The following PRORP variants were observed in gnomAD, a reference collection of about 807,000 sequenced individuals.
PRORP encodes mitochondrial ribonuclease P catalytic subunit.
In PRORP, 51 loss-of-function variants were observed where a neutral mutation model predicts 59.4. The observed-to-expected ratio is 0.86, with a 90% CI of 0.69 to 1.08. PRORP has a LOEUF of 1.08. PRORP is among the 50% of genes least tolerant of loss of function. The pLI is 0.00. For synonymous variants in PRORP, 231 were observed against 245.6 expected (o/e 0.94, Z 0.55); for missense variants, 646 against 690.3 (o/e 0.94, Z 0.72).
At chr14:35,189,330 C>G (rs1406033798) in intron 5 of PRORP, among the ~76,000 whole-genome samples, 1 of 152,100 alleles carries the variant, frequency 6.6e-6, no homozygotes, top group Non-Finnish European at 1.5e-5. Flanking sequence ...GCTTCAGCCT[C>G]CCAAAGTGTT....
intron 4 of PRORP, among the ~76,000 whole-genome samples, chr14:35,130,970 C>G (rs897004034): frequency 3.4e-5 from 5 of 147,566 alleles, no homozygotes; most frequent in African/African-American, 1.3e-4. Context: ...TTTTTTGAGG[C>G]AGTCACTCTG....
chr14:35,191,715 A>AAAAC (rs1041240557), intron 5 of PRORP, among the ~76,000 whole-genome samples: 1 of 152,104 alleles, frequency 6.6e-6, no homozygotes, highest in Non-Finnish European at 1.5e-5. Context: ...AAACCAAACC[A>AAAAC]AAACAAACAA....
At chr14:35,181,004 A>G (rs1477018782) in intron 5 of PRORP, among the ~76,000 whole-genome samples, 4 of 152,170 alleles carry the variant, frequency 2.6e-5, no homozygotes, top group Non-Finnish European at 4.4e-5. Context: ...GAATTAAAAG[A>G]AAGATTGCAA....
intron 4 of PRORP, among the ~76,000 whole-genome samples, chr14:35,146,351 A>AG (rs1459329523): frequency 6.6e-6 from 1 of 152,228 alleles, no homozygotes; most frequent in Non-Finnish European, 1.5e-5. Flanking sequence ...TTATTGACAA[A>AG]GAGGTGTTTC....
intron 4 of PRORP, among the ~76,000 whole-genome samples, chr14:35,172,548 C>CTCTT (rs201589085): frequency 2.1e-4 from 30 of 144,964 alleles, no homozygotes; most frequent in South Asian, 9.0e-4. Context: ...CTCTCCTCTC[C>CTCTT]TCTTTCTTTC....
chr14:35,250,268 C>T (rs1050028114), intron 5 of PRORP, among the ~76,000 whole-genome samples: 7 of 151,976 alleles, frequency 4.6e-5, no homozygotes, highest in African/African-American at 1.7e-4. Flanking sequence ...TCTTATACCC[C>T]TCAAATGCAT....
intron 5 of PRORP, among the ~76,000 whole-genome samples, chr14:35,249,171 C>T (rs956916945): frequency 6.6e-6 from 1 of 152,072 alleles, no homozygotes; most frequent in Non-Finnish European, 1.5e-5. Flanking sequence ...TTGACTTAAC[C>T]CCATTATATC....
intron 5 of PRORP, among the ~76,000 whole-genome samples, chr14:35,201,909 G>A (rs963859654): frequency 6.6e-6 from 1 of 151,652 alleles, no homozygotes; most frequent in African/African-American, 2.4e-5. Flanking sequence ...CTGCCCACTT[G>A]GGCCTCCCAA....
intron 5 of PRORP, among the ~76,000 whole-genome samples, chr14:35,182,665 C>A (rs765034102): frequency 6.6e-6 from 1 of 151,964 alleles, no homozygotes; most frequent in African/African-American, 2.4e-5. Context: ...AAAAAGATGA[C>A]CCATGCAGTG....
intron 4 of PRORP, among the ~76,000 whole-genome samples, chr14:35,178,296 C>G (rs2048506861): frequency 6.6e-6 from 1 of 152,136 alleles, no homozygotes. Context: ...CCTGGATATC[C>G]TTGTTAACTT....
intron 5 of PRORP, among the ~76,000 whole-genome samples, chr14:35,242,248 G>C (rs1355694884): frequency 2.0e-5 from 3 of 152,178 alleles, no homozygotes; most frequent in Non-Finnish European, 4.4e-5. Flanking sequence ...ATAAATATTT[G>C]TGTTGAATTT....
At chr14:35,238,618 TGTCA>T (rs1381220090) in intron 5 of PRORP, among the ~76,000 whole-genome samples, 1 of 152,210 alleles carries the variant, frequency 6.6e-6, no homozygotes, top group Non-Finnish European at 1.5e-5. Flanking sequence ...TCAACTCTGT[TGTCA>T]TTAAACCTCT....
chr14:35,143,837 G>A (rs1233845813), intron 4 of PRORP, among the ~76,000 whole-genome samples: 1 of 144,850 alleles, frequency 6.9e-6, no homozygotes, highest in Non-Finnish European at 1.5e-5. Context: ...TAGTAGAGAT[G>A]GGGTTTCTCC....
At chr14:35,124,296 C>A (rs2047035143) in intron 2 of PRORP, 65 bp downstream of exon 2, 1 of 1,110,306 alleles carries the variant, frequency 9.0e-7, no homozygotes, top group Non-Finnish European at 1.2e-6. Context: ...GAGACAGGGT[C>A]TTGCTCTGTT....
chr14:35,204,897 G>A (rs1379730283), intron 5 of PRORP, among the ~76,000 whole-genome samples: 4 of 152,012 alleles, frequency 2.6e-5, no homozygotes, highest in Non-Finnish European at 2.9e-5. Flanking sequence ...AGAATTTCAC[G>A]TGTACCAGCA....
At chr14:35,166,910 C>T (rs191910135) in intron 4 of PRORP, among the ~76,000 whole-genome samples, 8 of 152,290 alleles carry the variant, frequency 5.3e-5, no homozygotes, top group South Asian at 2.1e-4. Context: ...ATTGTCCCTT[C>T]GGATGCTGGC....
At chr14:35,224,908 G>A (rs1418685094) in intron 5 of PRORP, among the ~76,000 whole-genome samples, 1 of 151,872 alleles carries the variant, frequency 6.6e-6, no homozygotes, top group Non-Finnish European at 1.5e-5. Flanking sequence ...GGTCACATGT[G>A]TTCTGGGATT....
At chr14:35,201,975 T>A (rs10150569) in intron 5 of PRORP, among the ~76,000 whole-genome samples, 13,950 of 105,234 alleles carry the variant, frequency 0.13, 1,134 homozygotes, top group African/African-American at 0.26. Context: ...TATTATTATT[T>A]TTTTTTTTTT....
intron 5 of PRORP, among the ~76,000 whole-genome samples, chr14:35,204,142 T>A (rs1458627193): frequency 6.6e-6 from 1 of 152,240 alleles, no homozygotes; most frequent in Admixed American, 6.5e-5. Context: ...CTTATTTACC[T>A]TTCTCCTTTA....
Sources: allele counts gnomAD v4.1 joint callset (sites outside exome capture counted in the v4.1 genomes callset), GRCh38; gene constraint gnomAD v4.1.1; transcripts MANE v1.5; gene names NCBI Gene and HGNC (gene_info 2026-07-23, HGNC 2026-07-21).